The following SRGAP3 variants were observed in gnomAD, a reference collection of about 807,000 sequenced individuals.
The protein encoded by SRGAP3 is SLIT-ROBO Rho GTPase activating protein 3.
SRGAP3 carries 39 observed loss-of-function variants against 121.1 expected under a neutral mutation model. The observed-to-expected ratio is 0.32, with a 90% CI of 0.25 to 0.42. The LOEUF (loss-of-function observed/expected upper bound fraction) is 0.42, where lower values mean the gene tolerates loss of function less well. SRGAP3 is among the 10% of genes least tolerant of loss of function. The probability of loss-of-function intolerance (pLI) is 1.00; values close to 1 mark genes in which losing one functional copy is unlikely to be tolerated. For missense variants in SRGAP3, 1,213 were observed against 1,470.6 expected, an observed-to-expected ratio of 0.82 and a Z score of 2.86; for synonymous variants, 601 against 570.0, an observed-to-expected ratio of 1.05 and a Z score of -0.77.
intron 3 of SRGAP3, among the ~76,000 whole-genome samples, chr3:9,266,901 C>T (rs939488198): frequency 3.9e-5 from 6 of 152,096 alleles, no homozygotes; most frequent in African/African-American, 9.7e-5. Flanking sequence ...CCATGTGAAT[C>T]GCTTTGTCTA....
intron 1 of SRGAP3, among the ~76,000 whole-genome samples, chr3:9,143,441 T>G (rs1949927016): frequency 6.6e-6 from 1 of 152,230 alleles, no homozygotes; most frequent in Admixed American, 6.5e-5. Context: ...TTCTCCCTTC[T>G]GAATGAAGGA....
chr3:9,130,242 A>G (rs1949396144), intron 1 of SRGAP3, among the ~76,000 whole-genome samples: 1 of 152,102 alleles, frequency 6.6e-6, no homozygotes, highest in Non-Finnish European at 1.5e-5. Flanking sequence ...CATACATTCA[A>G]CGTGGATGTA....
intron 1 of SRGAP3, among the ~76,000 whole-genome samples, chr3:9,158,722 C>T (rs1323666339): frequency 3.3e-5 from 5 of 152,144 alleles, no homozygotes; most frequent in African/African-American, 1.2e-4. Context: ...CAGACTAACG[C>T]AGTTGTTCCG....
At chr3:9,346,539 T>C (rs564347651) in intron 1 of SRGAP3, among the ~76,000 whole-genome samples, 54 of 152,270 alleles carry the variant, frequency 3.5e-4, no homozygotes, top group Non-Finnish European at 7.5e-4. Flanking sequence ...GAATTTAGGG[T>C]AGGTATATCT....
At chr3:9,016,138 T>C (rs1180122029) in intron 14 of SRGAP3, among the ~76,000 whole-genome samples, 1 of 152,204 alleles carries the variant, frequency 6.6e-6, no homozygotes, top group Non-Finnish European at 1.5e-5. Context: ...ACCACAACAT[T>C]ATTACACCTA....
At chr3:9,250,583 C>T (rs185940140), upstream of SRGAP3, among the ~76,000 whole-genome samples, 12 of 152,272 alleles carry the variant, frequency 7.9e-5, 1 homozygote, top group East Asian at 2.3e-3. Flanking sequence ...GAGAGGAGCT[C>T]TTGAAAAGAT....
chr3:9,294,368 A>G (rs976172616), intron 3 of SRGAP3, among the ~76,000 whole-genome samples: 6 of 152,178 alleles, frequency 3.9e-5, no homozygotes, highest in African/African-American at 1.4e-4. Flanking sequence ...ACTGGGGCCT[A>G]TCAGATGGTG....
chr3:9,216,843 G>A (rs893076752), intron 1 of SRGAP3: 4 of 152,528 alleles, frequency 2.6e-5, no homozygotes, highest in African/African-American at 9.6e-5. Flanking sequence ...TAAAAAGGAA[G>A]GGAATTCTGA....
At chr3:9,095,590 T>C (rs1170443628) in intron 3 of SRGAP3, among the ~76,000 whole-genome samples, 11 of 152,210 alleles carry the variant, frequency 7.2e-5, no homozygotes. Context: ...GTAGTCATCC[T>C]TTTCCCTTTG....
chr3:9,222,914 A>G (rs2648534), intron 1 of SRGAP3, among the ~76,000 whole-genome samples: 51,612 of 152,090 alleles, frequency 0.34, 9,233 homozygotes, highest in East Asian at 0.7. Flanking sequence ...CTTGGGTGAT[A>G]TCTCTGTGAT....
chr3:9,299,136 A>G (rs1955003870), intron 3 of SRGAP3, among the ~76,000 whole-genome samples: 1 of 150,076 alleles, frequency 6.7e-6, no homozygotes, highest in African/African-American at 2.4e-5. Context: ...GCCGAGCCGG[A>G]TGGATCACGA....
intron 2 of SRGAP3, among the ~76,000 whole-genome samples, chr3:9,105,402 G>A (rs1948384876): frequency 6.6e-6 from 1 of 152,184 alleles, no homozygotes. Context: ...CTGTGTTCAG[G>A]AGGAAGGGTT....
chr3:8,992,750 CA>C, intron 20 of SRGAP3, 155 bp downstream of exon 20: 3 of 1,357,896 alleles, frequency 2.2e-6, no homozygotes, highest in Non-Finnish European at 2.1e-6. Flanking sequence ...CTTCTTGGGC[CA>C]ATGCCAGCCA....
In SRGAP3 at chr3:9,285,547, T is replaced by C. The variant is rs934276187; in HGVS notation, n.442+40463A>G. Among the ~76,000 whole-genome samples the C allele has an allele frequency of 5.3e-5, 8 of 152,316 alleles. No individual in the cohort carries two copies. In the East Asian group the frequency reaches 1.2e-3, roughly 22 times the overall value. Reference sequence around the variant, plus strand: ...AGAAAAGAATCTGAACAAACAGGCCTTGCTAAGTTTCCCCCAGTTTATTAC... The same window carrying C: ...AGAAAAGAATCTGAACAAACAGGCCCTGCTAAGTTTCCCCCAGTTTATTAC... On this transcript the variant is annotated intron_variant and non_coding_transcript_variant, in intron 3 of 3. Transcript: ENST00000490889.
intron 3 of SRGAP3, among the ~76,000 whole-genome samples, chr3:9,318,700 C>T (rs1311852546): frequency 6.7e-6 from 1 of 150,344 alleles, no homozygotes; most frequent in Admixed American, 6.6e-5. Flanking sequence ...ATAGCAAGAC[C>T]CCATCTGTAC....
chr3:9,136,395 C>G (rs1949655492), intron 1 of SRGAP3, among the ~76,000 whole-genome samples: 2 of 25,686 alleles, frequency 7.8e-5, no homozygotes, highest in Non-Finnish European at 7.1e-5. Context: ...GTCGCTGGGA[C>G]CCCCCCCCCC....
intron 1 of SRGAP3, among the ~76,000 whole-genome samples, chr3:9,177,262 T>C (rs1001544708): frequency 6.6e-6 from 1 of 152,212 alleles, no homozygotes; most frequent in Non-Finnish European, 1.5e-5. Context: ...GAGAGACAGA[T>C]ACTGACCAAA....
Position 9,124,932 on chromosome 3 carries a change from G to A in SRGAP3, c.68-15C>T. 1.2e-6 allele frequency: 2 copies of A among 1,613,770 alleles called. No individual in the cohort carries two copies. The highest frequency in any genetic ancestry group is 1.1e-5 in the South Asian group (1 of 91,040). ...CGTGCGGATCTCTGCGGGCACACAA[G>A]GGTAGGAGCATGAGACTGGTGGTGG... On this transcript the variant is annotated splice_polypyrimidine_tract_variant and intron_variant, in intron 1 of 21. Coordinates refer to ENST00000383836, the MANE Select transcript of SRGAP3 (RefSeq NM_014850.4).
chr3:9,362,419 C>G (rs942119397), intron 1 of SRGAP3, among the ~76,000 whole-genome samples: 1 of 150,554 alleles, frequency 6.6e-6, no homozygotes, highest in Non-Finnish European at 1.5e-5. Flanking sequence ...CCGCCTCAGC[C>G]TCCCAAAGTG....
Sources: allele counts gnomAD v4.1 joint callset (sites outside exome capture counted in the v4.1 genomes callset), GRCh38; gene constraint gnomAD v4.1.1; transcripts MANE v1.5; gene names NCBI Gene and HGNC (gene_info 2026-07-23, HGNC 2026-07-21).